AGBL4: variants seen among roughly 807,000 people sequenced by gnomAD.
The protein encoded by AGBL4 is AGBL carboxypeptidase 4.
Under a neutral mutation model 66.4 loss-of-function variants are expected in AGBL4, and 58 were observed. The ratio of observed to expected loss-of-function variants is 0.87; its 90% CI spans 0.71 to 1.09. The LOEUF is 1.09. Among genes scored for constraint, AGBL4 ranks in the 50% least tolerant of loss-of-function variants. The pLI, the probability that AGBL4 is intolerant of heterozygous loss-of-function variation, is 0.00. For synonymous variants in AGBL4, 234 were observed against 222.9 expected (o/e 1.05, Z -0.44); for missense variants, 579 against 631.0 (o/e 0.92, Z 0.88).
chr1:48,758,098 A>G (rs1338704429), intron 6 of AGBL4, among the ~76,000 whole-genome samples: 1 of 152,238 alleles, frequency 6.6e-6, no homozygotes, highest in East Asian at 1.9e-4. Flanking sequence ...AAACCTGATT[A>G]GTTAAAATAG....
intron 3 of AGBL4, among the ~76,000 whole-genome samples, chr1:49,569,244 T>C (rs1297702351): frequency 6.6e-6 from 1 of 152,050 alleles, no homozygotes; most frequent in Non-Finnish European, 1.5e-5. Flanking sequence ...AGTTGGGGGC[T>C]GGGGCAGGGG....
At chr1:49,963,598 T>G (rs1657298773) in intron 1 of AGBL4, among the ~76,000 whole-genome samples, 1 of 152,206 alleles carries the variant, frequency 6.6e-6, no homozygotes, top group South Asian at 2.1e-4. Flanking sequence ...CAAAGGCTTC[T>G]TTTCATGTTG....
intron 4 of AGBL4, among the ~76,000 whole-genome samples, chr1:49,092,730 T>C (rs1645023879): frequency 6.6e-6 from 1 of 152,142 alleles, no homozygotes; most frequent in Admixed American, 6.5e-5. Flanking sequence ...GGGGTCCACA[T>C]CAGCTCACCT....
At chr1:49,908,870 C>A (rs1650540042) in intron 1 of AGBL4, among the ~76,000 whole-genome samples, 2 of 152,132 alleles carry the variant, frequency 1.3e-5, no homozygotes, top group Admixed American at 6.6e-5. Flanking sequence ...AGTCAATATC[C>A]ATTAATAATA....
chr1:49,323,492 T>C (rs1645168606), intron 3 of AGBL4, among the ~76,000 whole-genome samples: 2 of 148,148 alleles, frequency 1.3e-5, no homozygotes, highest in Non-Finnish European at 1.5e-5. Flanking sequence ...AGACGAGGTT[T>C]CACCATGTTG....
At chr1:49,511,622 T>TA (rs1649266503) in intron 3 of AGBL4, among the ~76,000 whole-genome samples, 2 of 151,256 alleles carry the variant, frequency 1.3e-5, no homozygotes, top group Middle Eastern at 3.2e-3. Flanking sequence ...AAATTTTTTT[T>TA]TAAAAAAATT....
At chr1:48,981,455 A>G (rs1659760853) in intron 5 of AGBL4, among the ~76,000 whole-genome samples, 2 of 152,338 alleles carry the variant, frequency 1.3e-5, no homozygotes, top group South Asian at 4.1e-4. Context: ...ATTGAGAAGC[A>G]AAAAAAGTAT....
chr1:49,009,965 G>A (rs968442646), intron 5 of AGBL4, among the ~76,000 whole-genome samples: 7 of 151,934 alleles, frequency 4.6e-5, no homozygotes, highest in Non-Finnish European at 1.5e-5. Flanking sequence ...TTGAAAACTG[G>A]CACAAGACAG....
intron 3 of AGBL4, among the ~76,000 whole-genome samples, chr1:49,598,260 A>G (rs1644886901): frequency 6.6e-6 from 1 of 152,192 alleles, no homozygotes; most frequent in South Asian, 2.1e-4. Context: ...GCTGGTGAGG[A>G]ACTGCGTTCC....
At chr1:48,797,448 A>C (rs1645711213) in intron 6 of AGBL4, among the ~76,000 whole-genome samples, 1 of 152,128 alleles carries the variant, frequency 6.6e-6, no homozygotes, top group Non-Finnish European at 1.5e-5. Flanking sequence ...CTTAGCTCCC[A>C]CTTATAAGTG....
chr1:49,187,688 T>C (rs186180411), intron 4 of AGBL4: 3 of 152,314 alleles, frequency 2.0e-5, no homozygotes, highest in African/African-American at 7.2e-5. Context: ...CATCAGGGAA[T>C]TCAAGGCCCT....
intron 5 of AGBL4, among the ~76,000 whole-genome samples, chr1:49,005,004 T>C (rs1293264535): frequency 3.9e-5 from 6 of 152,160 alleles, no homozygotes; most frequent in African/African-American, 9.7e-5. Flanking sequence ...CTTATGGTAA[T>C]ACTGGGGGAC....
chr1:50,023,664 G>T (rs1277230380), intron 1 of AGBL4, 99 bp downstream of exon 1: 1 of 1,372,724 alleles, frequency 7.3e-7, no homozygotes, highest in Non-Finnish European at 9.7e-7. Context: ...ATACAGGACC[G>T]CCTCCTCAGG....
At chr1:49,746,319 T>C (rs1016225839) in intron 2 of AGBL4, among the ~76,000 whole-genome samples, 3 of 152,010 alleles carry the variant, frequency 2.0e-5, no homozygotes, top group Non-Finnish European at 4.4e-5. Flanking sequence ...TTCCACATGA[T>C]AAAACTCTAA....
At chr1:49,181,867 T>G (rs1485453445) in intron 4 of AGBL4, among the ~76,000 whole-genome samples, 2 of 152,170 alleles carry the variant, frequency 1.3e-5, no homozygotes, top group East Asian at 3.9e-4. Flanking sequence ...CTAAAGATGC[T>G]GGGGAGAGAA....
chr1:49,125,838 C>T (rs113804883), intron 4 of AGBL4, among the ~76,000 whole-genome samples: 5 of 152,286 alleles, frequency 3.3e-5, no homozygotes, highest in African/African-American at 1.2e-4. Flanking sequence ...GTCTTTTCCA[C>T]CACAACAAAT....
rs564856153 is a variant in AGBL4 at position 49,824,697 on chromosome 1, T to C, written c.157+26699A>G. Among the ~76,000 whole-genome samples the C allele has an allele frequency of 1.1e-4, 17 of 152,220 alleles. No individual in the cohort carries two copies. The South Asian group carries it at 2.1e-3, about 19-fold the overall frequency. ...ATGGCTTTTAAGACAAAGATAATCA[T>C]ATAAACTAAAGCAAGGAAGCATAAA... On this transcript the variant is annotated intron_variant, in intron 2 of 13. Transcript: ENST00000371839.
At chr1:49,303,649 T>G (rs1644797160) in intron 3 of AGBL4, among the ~76,000 whole-genome samples, 1 of 151,934 alleles carries the variant, frequency 6.6e-6, no homozygotes, top group Non-Finnish European at 1.5e-5. Context: ...TTTTTTTTCT[T>G]TTTTTCAGTA....
chr1:49,102,439 C>A (rs926658270), intron 4 of AGBL4, among the ~76,000 whole-genome samples: 2 of 152,128 alleles, frequency 1.3e-5, no homozygotes, highest in African/African-American at 2.4e-5. Flanking sequence ...AGCTTCCCAG[C>A]ACGTGGGGAC....
Sources: allele counts gnomAD v4.1 joint callset (sites outside exome capture counted in the v4.1 genomes callset), GRCh38; gene constraint gnomAD v4.1.1; transcripts MANE v1.5; gene names NCBI Gene and HGNC (gene_info 2026-07-23, HGNC 2026-07-21).